ARB2A: variants seen among roughly 807,000 people sequenced by gnomAD.
ARB2A encodes the protein cotranscriptional regulator ARB2A.
At chr5:93,628,197 C>T in the ARB2A span, among the ~76,000 whole-genome samples, 17 of 151,446 alleles carry the variant, frequency 1.1e-4, no homozygotes, top group Admixed American at 9.2e-4. Flanking sequence ...ACCACAGGCA[C>T]GTGCCACCAC....
chr5:93,735,842 C>T, the ARB2A span: 1 of 152,034 alleles, frequency 6.6e-6, no homozygotes, highest in Non-Finnish European at 1.5e-5. Context: ...GAAATGGTCT[C>T]ACTGTGATGT....
the ARB2A span, among the ~76,000 whole-genome samples, chr5:93,639,707 T>C: frequency 6.6e-6 from 1 of 152,172 alleles, no homozygotes; most frequent in Non-Finnish European, 1.5e-5. Flanking sequence ...AGTATCAGGA[T>C]AGAGAGAATT....
At chr5:94,068,539 C>A in the ARB2A span, among the ~76,000 whole-genome samples, 1 of 152,162 alleles carries the variant, frequency 6.6e-6, no homozygotes, top group Non-Finnish European at 1.5e-5. Context: ...GTTGCCACTG[C>A]CAGTTCGAAT....
At chr5:94,048,667 A>G in the ARB2A span, among the ~76,000 whole-genome samples, 3 of 152,184 alleles carry the variant, frequency 2.0e-5, no homozygotes, top group African/African-American at 4.8e-5. Context: ...AGCATGCAAC[A>G]GGATTGTATC....
the ARB2A span, among the ~76,000 whole-genome samples, chr5:94,093,503 G>A: frequency 1.3e-5 from 2 of 152,132 alleles, no homozygotes; most frequent in African/African-American, 4.8e-5. Context: ...TAATCCTAGT[G>A]GATCAGGGTC....
At chr5:93,887,557 A>G in the ARB2A span, among the ~76,000 whole-genome samples, 2 of 151,540 alleles carry the variant, frequency 1.3e-5, no homozygotes, top group East Asian at 3.9e-4. Flanking sequence ...AATAATTTAC[A>G]AAAACAAACA....
chr5:93,672,402 C>T, the ARB2A span, among the ~76,000 whole-genome samples: 2 of 151,848 alleles, frequency 1.3e-5, no homozygotes. Flanking sequence ...CTCTGAAGCC[C>T]TGGTTCAAGC....
the ARB2A span, among the ~76,000 whole-genome samples, chr5:94,020,770 C>T: frequency 6.6e-6 from 1 of 152,170 alleles, no homozygotes; most frequent in East Asian, 1.9e-4. Flanking sequence ...CAGAGTAATA[C>T]AATCAATACC....
At chr5:94,006,252 T>C in the ARB2A span, among the ~76,000 whole-genome samples, 1 of 152,166 alleles carries the variant, frequency 6.6e-6, no homozygotes, top group African/African-American at 2.4e-5. Context: ...AATCTTATGC[T>C]GAGTAAAAAC....
At chr5:94,017,229 T>C in the ARB2A span, among the ~76,000 whole-genome samples, 2 of 152,220 alleles carry the variant, frequency 1.3e-5, no homozygotes, top group Non-Finnish European at 2.9e-5. Context: ...AAGACTTTAC[T>C]GTTCCTTCAT....
chr5:93,871,530 A>AT, the ARB2A span, among the ~76,000 whole-genome samples: 17 of 152,228 alleles, frequency 1.1e-4, no homozygotes, highest in African/African-American at 3.6e-4. Flanking sequence ...TTACAATTGC[A>AT]TATCTGTTTG....
the ARB2A span, among the ~76,000 whole-genome samples, chr5:93,799,076 T>C: frequency 6.6e-6 from 1 of 152,140 alleles, no homozygotes; most frequent in Non-Finnish European, 1.5e-5. Context: ...TCAGAAATTA[T>C]GTCAAATTAT....
At chr5:93,902,079 A>T in the ARB2A span, among the ~76,000 whole-genome samples, 1 of 152,126 alleles carries the variant, frequency 6.6e-6, no homozygotes, top group Non-Finnish European at 1.5e-5. Context: ...GGTAGTAGAT[A>T]AGATATATAA....
At chr5:93,711,015 G>A in the ARB2A span, among the ~76,000 whole-genome samples, 1 of 152,132 alleles carries the variant, frequency 6.6e-6, no homozygotes, top group Non-Finnish European at 1.5e-5. Context: ...AGCATGCCTG[G>A]TGATTTTGGA....
chr5:93,722,137 T>A, the ARB2A span, among the ~76,000 whole-genome samples: 1 of 152,140 alleles, frequency 6.6e-6, no homozygotes, highest in African/African-American at 2.4e-5. Flanking sequence ...CAGTGGTGTG[T>A]GTATAAAACA....
At chr5:93,810,596 G>A in the ARB2A span, among the ~76,000 whole-genome samples, 1 of 151,942 alleles carries the variant, frequency 6.6e-6, no homozygotes, top group Non-Finnish European at 1.5e-5. Context: ...TAGAGATGGG[G>A]TCTTACTATG....
the ARB2A span, among the ~76,000 whole-genome samples, chr5:93,932,405 T>A: frequency 6.6e-6 from 1 of 152,188 alleles, no homozygotes; most frequent in African/African-American, 2.4e-5. Context: ...TGGTGTTTGG[T>A]GCCATAGAAA....
the ARB2A span, chr5:93,743,697 C>T: frequency 2.0e-5 from 6 of 304,900 alleles, no homozygotes; most frequent in African/African-American, 4.7e-5. Context: ...GACGGAGTCT[C>T]GCTCTGTCAC....
At chr5:93,634,469 GTA>G in the ARB2A span, among the ~76,000 whole-genome samples, 1 of 152,056 alleles carries the variant, frequency 6.6e-6, no homozygotes, top group Non-Finnish European at 1.5e-5. Context: ...AGAAAGCAGA[GTA>G]TATTTCTTGC....
Sources: allele counts gnomAD v4.1 joint callset (sites outside exome capture counted in the v4.1 genomes callset), GRCh38; gene constraint gnomAD v4.1.1; transcripts MANE v1.5; gene names NCBI Gene and HGNC (gene_info 2026-07-23, HGNC 2026-07-21).